The following DCUN1D3 variants were observed in gnomAD, a reference collection of about 807,000 sequenced individuals.
DCUN1D3 encodes the protein DCN1-like protein 3.
DCUN1D3 carries 6 observed loss-of-function variants against 24.8 expected under a neutral mutation model. The ratio of observed to expected loss-of-function variants is 0.24; its 90% CI spans 0.13 to 0.48. The LOEUF (loss-of-function observed/expected upper bound fraction) is 0.48, where lower values mean the gene tolerates loss of function less well. Among genes scored for constraint, DCUN1D3 ranks in the 20% least tolerant of loss-of-function variants. The pLI, the probability that DCUN1D3 is intolerant of heterozygous loss-of-function variation, is 0.99. For synonymous variants in DCUN1D3, 120 were observed against 144.9 expected (o/e 0.83, Z 1.24); for missense variants, 258 against 379.4 (o/e 0.68, Z 2.66).
chr16:20,878,888 C>G (rs56318921), intron 1 of DCUN1D3, among the ~76,000 whole-genome samples: 11,739 of 152,260 alleles, frequency 0.077, 593 homozygotes, highest in Non-Finnish European at 0.12. Context: ...AGGCCAACAA[C>G]TAAAGTCCTC....
chr16:20,861,442 G>A (rs2081732028), intron 2 of DCUN1D3, among the ~76,000 whole-genome samples: 5 of 152,206 alleles, frequency 3.3e-5, no homozygotes, highest in South Asian at 2.1e-4. Flanking sequence ...CACAGTGCAA[G>A]TGGCTTCATG....
intron 1 of DCUN1D3, among the ~76,000 whole-genome samples, chr16:20,895,718 G>A (rs374954514): frequency 6.6e-5 from 10 of 152,214 alleles, no homozygotes; most frequent in Admixed American, 1.3e-4. Flanking sequence ...GAACACAGAC[G>A]TAAGAACTAG....
chr16:20,885,893 T>G (rs1334110170), intron 1 of DCUN1D3, among the ~76,000 whole-genome samples: 2 of 152,066 alleles, frequency 1.3e-5, no homozygotes, highest in Non-Finnish European at 2.9e-5. Flanking sequence ...CTGGCTTGGG[T>G]TCAAGAAGCA....
Position 20,865,752 on chromosome 16 carries a change from T to C in DCUN1D3, c.-105-3109A>G, listed in dbSNP as rs543879174. ...TATGAAAGGCTGGAGCTTTAAACTT[T>C]GCCTAAAATACTTGGCTTCCTCCAA... On this transcript the variant is annotated intron_variant, in intron 1 of 2. Transcript: ENST00000324344. Among the ~76,000 whole-genome samples the C allele has an allele frequency of 7.2e-5, 11 of 152,324 alleles. No homozygotes were observed. In the South Asian group the frequency reaches 2.3e-3, roughly 32 times the overall value.
At chr16:20,898,495 T>G (rs982320458) in intron 1 of DCUN1D3, among the ~76,000 whole-genome samples, 1 of 152,238 alleles carries the variant, frequency 6.6e-6, no homozygotes, top group African/African-American at 2.4e-5. Flanking sequence ...ATTAATGAAC[T>G]GTGAACTTTT....
chr16:20,893,643 A>T (rs1021450451), intron 1 of DCUN1D3, among the ~76,000 whole-genome samples: 1 of 152,214 alleles, frequency 6.6e-6, no homozygotes, highest in African/African-American at 2.4e-5. Flanking sequence ...AACAGAAGGA[A>T]AACAGCAAAA....
intron 1 of DCUN1D3, among the ~76,000 whole-genome samples, chr16:20,895,170 C>A (rs927313540): frequency 5.3e-5 from 8 of 152,202 alleles, no homozygotes; most frequent in African/African-American, 1.9e-4. Flanking sequence ...ATCACGGCTA[C>A]TACAGCCTCA....
chr16:20,873,445 C>T (rs991525638), intron 1 of DCUN1D3, among the ~76,000 whole-genome samples: 1 of 152,156 alleles, frequency 6.6e-6, no homozygotes, highest in Non-Finnish European at 1.5e-5. Flanking sequence ...TCCCAGGGAG[C>T]AAGAGGCTCA....
chr16:20,896,307 C>A (rs1328992642), intron 1 of DCUN1D3: 1 of 152,184 alleles, frequency 6.6e-6, no homozygotes, highest in Non-Finnish European at 1.5e-5. Context: ...AAACCACTTA[C>A]CCACAACTCC....
At chr16:20,865,934 G>C (rs1382057014) in intron 1 of DCUN1D3, among the ~76,000 whole-genome samples, 1 of 152,122 alleles carries the variant, frequency 6.6e-6, no homozygotes, top group African/African-American at 2.4e-5. Flanking sequence ...CCCGCAAAGA[G>C]AGCAATGACA....
At chr16:20,864,517 A>G (rs1398532768) in intron 1 of DCUN1D3, among the ~76,000 whole-genome samples, 2 of 152,200 alleles carry the variant, frequency 1.3e-5, no homozygotes, top group Non-Finnish European at 2.9e-5. Flanking sequence ...TTGTAGAGAA[A>G]AGGGAACACT....
intron 1 of DCUN1D3, among the ~76,000 whole-genome samples, chr16:20,892,314 G>A (rs974832273): frequency 5.9e-5 from 9 of 152,148 alleles, no homozygotes; most frequent in African/African-American, 1.9e-4. Flanking sequence ...TTACTGAGAA[G>A]GAAGAAAATG....
chr16:20,882,332 A>C (rs1195924172), intron 1 of DCUN1D3, among the ~76,000 whole-genome samples: 3 of 146,626 alleles, frequency 2.0e-5, no homozygotes, highest in Non-Finnish European at 3.0e-5. Context: ...AGCTCACCAA[A>C]ACCTCCACCT....
intron 2 of DCUN1D3, among the ~76,000 whole-genome samples, chr16:20,861,319 G>C (rs1474274139): frequency 6.7e-6 from 1 of 150,282 alleles, no homozygotes; most frequent in Non-Finnish European, 1.5e-5. Context: ...TGGAGGGAGA[G>C]AGGCGTATCC....
intron 1 of DCUN1D3, among the ~76,000 whole-genome samples, chr16:20,883,004 TGAGACC>T (rs1483753541): frequency 2.6e-5 from 4 of 151,866 alleles, no homozygotes; most frequent in Admixed American, 2.6e-4. Context: ...CCCAAATGCT[TGAGACC>T]AGAAGTGTTC....
intron 1 of DCUN1D3, among the ~76,000 whole-genome samples, chr16:20,884,551 G>C (rs2081859964): frequency 6.6e-6 from 1 of 152,172 alleles, no homozygotes; most frequent in Admixed American, 6.5e-5. Flanking sequence ...GAGTTGCTTG[G>C]TTTGAACTCA....
intron 1 of DCUN1D3, among the ~76,000 whole-genome samples, chr16:20,898,885 G>A (rs182615709): frequency 5.4e-4 from 82 of 152,330 alleles, no homozygotes; most frequent in African/African-American, 1.9e-3. Flanking sequence ...CTAGAAGAGT[G>A]CTCCTTGATT....
rs537524690 is a variant in DCUN1D3 at position 20,889,030 on chromosome 16, C to T, written c.-106+11174G>A. On this transcript the variant is annotated intron_variant, in intron 1 of 2. Coordinates refer to ENST00000324344, the MANE Select transcript of DCUN1D3 (RefSeq NM_173475.4). ...ATCACTTGAGGTCAGGAATTCGAGA[C>T]CAGTCTGGCCAATATAGTGAAACCC... 7.2e-5 allele frequency among the ~76,000 whole-genome samples: 11 copies of T among 152,232 alleles called. No individual in the cohort carries two copies. The South Asian group carries it at 2.3e-3, about 32-fold the overall frequency.
At chr16:20,863,169 C>T (rs2081742438) in intron 1 of DCUN1D3, among the ~76,000 whole-genome samples, 1 of 152,186 alleles carries the variant, frequency 6.6e-6, no homozygotes, top group Non-Finnish European at 1.5e-5. Flanking sequence ...GGGCCTAAGC[C>T]AAGCAGCAAA....
Sources: allele counts gnomAD v4.1 joint callset (sites outside exome capture counted in the v4.1 genomes callset), GRCh38; gene constraint gnomAD v4.1.1; transcripts MANE v1.5; gene names NCBI Gene and HGNC (gene_info 2026-07-23, HGNC 2026-07-21).